Variants in HSD17B2 observed in about 807,000 individuals in gnomAD.
The protein encoded by HSD17B2 is hydroxysteroid 17-beta dehydrogenase 2, also known as 17-beta-hydroxysteroid dehydrogenase type 2.
A neutral mutation model predicts 26.9 loss-of-function variants in HSD17B2; 32 were observed. That is an observed-to-expected ratio of 1.19 (90% CI 0.90 to 1.60). HSD17B2 has a LOEUF of 1.60. HSD17B2 is among the 40% of genes most tolerant of loss of function. HSD17B2 has a pLI of 0.00. For missense variants in HSD17B2, 613 were observed against 468.6 expected (o/e 1.31, Z -2.85); for synonymous variants, 246 against 186.7 (o/e 1.32, Z -2.59).
At chr16:82,060,943 G>A (rs1914420503) in intron 1 of HSD17B2, among the ~76,000 whole-genome samples, 1 of 152,156 alleles carries the variant, frequency 6.6e-6, no homozygotes, top group African/African-American at 2.4e-5. Flanking sequence ...AAGGAGTAGT[G>A]TAGTGTCGGT....
chr16:82,076,636 G>A (rs550447722), intron 3 of HSD17B2, among the ~76,000 whole-genome samples: 3 of 152,190 alleles, frequency 2.0e-5, no homozygotes, highest in African/African-American at 4.8e-5. Flanking sequence ...GTGCAGTGGC[G>A]TGATCTCGGC....
intron 3 of HSD17B2, among the ~76,000 whole-genome samples, chr16:82,080,904 T>C (rs578111010): frequency 5.9e-5 from 9 of 152,318 alleles, no homozygotes; most frequent in African/African-American, 2.2e-4. Flanking sequence ...CACTATTTAA[T>C]GCAAATTCCC....
intron 1 of HSD17B2, among the ~76,000 whole-genome samples, chr16:82,045,896 A>G (rs1455251869): frequency 1.3e-5 from 2 of 152,200 alleles, no homozygotes; most frequent in East Asian, 1.9e-4. Flanking sequence ...AGTCCTGATA[A>G]TTTACCCTGA....
At chr16:82,043,418 C>T (rs987875046) in intron 1 of HSD17B2, among the ~76,000 whole-genome samples, 2 of 145,058 alleles carry the variant, frequency 1.4e-5, no homozygotes, top group African/African-American at 5.8e-5. Context: ...GGCGCGGTGG[C>T]TCATGCCTGT....
chr16:82,073,765 G>A (rs1914750954), intron 3 of HSD17B2, among the ~76,000 whole-genome samples: 1 of 152,116 alleles, frequency 6.6e-6, no homozygotes, highest in Non-Finnish European at 1.5e-5. Context: ...TAGTTAAAAT[G>A]GCCACTCTGC....
Position 82,035,639 on chromosome 16 carries a change from T to A in HSD17B2, c.215T>A (p.Leu72Ter). 1 of 1,613,972 alleles carries A rather than the reference T, an allele frequency of 6.2e-7. No individual in the cohort carries two copies. Among genetic ancestry groups the A allele is most frequent in the Non-Finnish European group, 8.5e-7 (1 of 1,180,030 alleles). The change falls in exon 1 of 5, where the codon TTA becomes TAA. Residue 72 changes from leucine to a stop codon, truncating the protein, a stop_gained. Transcript: ENST00000199936. LOFTEE classifies it high-confidence loss of function. ...SVSCFLMYTYLSGQELLPVDQ... is the reference protein window; with the variant it reads ...SVSCFLMYTY ...TCATGCTTCCTCATGTATACTTACT[T>A]ATCTGGCCAAGAATTGTTACCTGTG...
Position 82,090,959 on chromosome 16 carries a change from T to C in HSD17B2, c.722T>C (p.Met241Thr). 6.2e-7 allele frequency: 1 copy of C among 1,613,950 alleles called. No individual in the cohort carries two copies. The highest frequency in any genetic ancestry group is 8.5e-7 in the Non-Finnish European group (1 of 1,179,816). ...GGCTCATCAAAGGCGGCTGTGACCA[T>C]GTTCTCATCAGTTATGAGACTGGAG... ...SYGSSKAAVT[M>T]FSSVMRLELS... is the part of the protein sequence containing the mutation. Residue 241 changes from methionine to threonine, a missense_variant, in exon 4 of 5, where the codon ATG becomes ACG. Transcript: ENST00000199936.
intron 3 of HSD17B2, among the ~76,000 whole-genome samples, chr16:82,078,286 G>A (rs181263863): frequency 1.2e-4 from 19 of 152,262 alleles, no homozygotes; most frequent in African/African-American, 3.9e-4. Flanking sequence ...ATGAAAATGT[G>A]CTCAATATCA....
At chr16:82,084,439 G>T (rs1351124243) in intron 3 of HSD17B2, among the ~76,000 whole-genome samples, 1 of 152,064 alleles carries the variant, frequency 6.6e-6, no homozygotes, top group African/African-American at 2.4e-5. Flanking sequence ...ATGAACCATG[G>T]GTTTTGAGTG....
chr16:82,051,241 G>A (rs913630789), intron 1 of HSD17B2, among the ~76,000 whole-genome samples: 4 of 152,160 alleles, frequency 2.6e-5, no homozygotes, highest in East Asian at 1.9e-4. Flanking sequence ...ACGGCTCCTG[G>A]TATGCAGTAG....
At chr16:82,043,725 A>G (rs1913834629) in intron 1 of HSD17B2, among the ~76,000 whole-genome samples, 1 of 151,052 alleles carries the variant, frequency 6.6e-6, no homozygotes, top group South Asian at 2.1e-4. Context: ...TCATATAGAT[A>G]AACTTTATTT....
intron 3 of HSD17B2, chr16:82,071,765 A>G (rs987935377): frequency 6.2e-6 from 1 of 160,656 alleles, no homozygotes; most frequent in Admixed American, 5.9e-5. Context: ...TGGGACAGAC[A>G]TTTTCAAACT....
In HSD17B2 at chr16:82,075,908, TA is replaced by T. The variant is rs58081050; in HGVS notation, c.664+4797del. Reference sequence around the variant, plus strand: ...GATAGCAAAACCAGAAAATACATGTTAAAAAAAAAAAAAAAAGAAAAGAAAA... The same window carrying T: ...GATAGCAAAACCAGAAAATACATGTTAAAAAAAAAAAAAAAGAAAAGAAAA... On this transcript the variant is annotated intron_variant, in intron 3 of 4. Coordinates refer to ENST00000199936, the MANE Select transcript of HSD17B2 (RefSeq NM_002153.3). 3.9e-3 allele frequency among the ~76,000 whole-genome samples: 520 copies of T among 134,676 alleles called. 3 individuals carry two copies. Among genetic ancestry groups the T allele is most frequent in the African/African-American group, 0.013 (484 of 36,322 alleles). 88.4% of individuals were successfully genotyped at this position (134,676 alleles called of 152,430 possible). A position where few individuals can be genotyped will look rare whatever the true frequency, so the allele number is the denominator to read the frequency against.
intron 3 of HSD17B2, among the ~76,000 whole-genome samples, chr16:82,077,600 T>C (rs189526450): frequency 2.3e-3 from 347 of 152,112 alleles, no homozygotes; most frequent in African/African-American, 7.0e-3. Context: ...CATGGTGGCA[T>C]GTGCCTGTAG....
At chr16:82,043,832 C>A (rs1452736614) in intron 1 of HSD17B2, among the ~76,000 whole-genome samples, 2 of 152,024 alleles carry the variant, frequency 1.3e-5, no homozygotes, top group African/African-American at 4.8e-5. Flanking sequence ...GGGAGTTGAC[C>A]CCCTATTGGT....
intron 1 of HSD17B2, among the ~76,000 whole-genome samples, chr16:82,036,654 G>C (rs1444790279): frequency 6.6e-6 from 1 of 152,130 alleles, no homozygotes; most frequent in Non-Finnish European, 1.5e-5. Context: ...TTGGGTTAAA[G>C]TAAAATGCTT....
At chr16:82,053,815 A>T (rs576060441) in intron 1 of HSD17B2, among the ~76,000 whole-genome samples, 29 of 152,352 alleles carry the variant, frequency 1.9e-4, no homozygotes, top group African/African-American at 6.0e-4. Flanking sequence ...ACAACACTGG[A>T]CATGGATGGT....
At chr16:82,096,340 A>C (rs1904837981) in intron 4 of HSD17B2, 1 of 152,134 alleles carries the variant, frequency 6.6e-6, no homozygotes, top group Non-Finnish European at 1.5e-5. Flanking sequence ...TCCCTGCTTC[A>C]GCCTCCCAGG....
intron 1 of HSD17B2, 83 bp from the exon 2 acceptor site, chr16:82,068,087 C>T: frequency 8.2e-7 from 1 of 1,212,738 alleles, no homozygotes; most frequent in Non-Finnish European, 1.2e-6. Context: ...GAATCGTAAA[C>T]AACGTAATAT....
Sources: allele counts gnomAD v4.1 joint callset (sites outside exome capture counted in the v4.1 genomes callset), GRCh38; gene constraint gnomAD v4.1.1; transcripts MANE v1.5; gene names NCBI Gene and HGNC (gene_info 2026-07-23, HGNC 2026-07-21).